FBXL2: variants seen among roughly 807,000 people sequenced by gnomAD.
FBXL2 encodes F-box and leucine rich repeat protein 2, also known as F-box/LRR-repeat protein 2.
In FBXL2, 38 loss-of-function variants were observed where a neutral mutation model predicts 69.2. That is an observed-to-expected ratio of 0.55 (90% CI 0.42 to 0.72). FBXL2 has a LOEUF of 0.72. Ranked by LOEUF, FBXL2 falls within the 30% of genes least tolerant of loss-of-function variation. FBXL2 has a pLI of 0.00. For synonymous variants in FBXL2, 192 were observed against 201.3 expected, an observed-to-expected ratio of 0.95 and a Z score of 0.39; for missense variants, 354 against 520.3, an observed-to-expected ratio of 0.68 and a Z score of 3.11.
chr3:33,315,256 C>A (rs960821395), intron 2 of FBXL2, among the ~76,000 whole-genome samples: 5 of 114,296 alleles, frequency 4.4e-5, no homozygotes, highest in African/African-American at 1.6e-4. Flanking sequence ...TCCTTTCTTT[C>A]TTTTCTCTTA....
intron 2 of FBXL2, among the ~76,000 whole-genome samples, chr3:33,338,683 TC>T (rs1029530521): frequency 6.6e-6 from 1 of 152,192 alleles, no homozygotes; most frequent in Non-Finnish European, 1.5e-5. Context: ...GGGAAAGGAT[TC>T]CCTATTCAAT....
chr3:33,369,148 T>A (rs1165174402), intron 5 of FBXL2, among the ~76,000 whole-genome samples: 3 of 151,662 alleles, frequency 2.0e-5, no homozygotes, highest in African/African-American at 7.3e-5. Context: ...GCCTCCTGGG[T>A]TCAAGCGATT....
chr3:33,420,767 G>T, the FBXL2 span, among the ~76,000 whole-genome samples: 1 of 152,048 alleles, frequency 6.6e-6, no homozygotes, highest in African/African-American at 2.4e-5. Flanking sequence ...GTTTACAGGC[G>T]TGAGCCACCA....
At chr3:33,411,421 G>A in the FBXL2 span, among the ~76,000 whole-genome samples, 14 of 151,770 alleles carry the variant, frequency 9.2e-5, no homozygotes, top group Non-Finnish European at 2.1e-4. Context: ...TTTAAAATAG[G>A]GTGAACTTAC....
In FBXL2 at chr3:33,377,310, G is replaced by A. The variant is rs765027765; in HGVS notation, c.826G>A (p.Ala276Thr). The change falls in exon 11 of 15, where the codon GCA becomes ACA. Residue 276 changes from alanine to threonine, a missense_variant. Coordinates refer to ENST00000484457, the MANE Select transcript of FBXL2 (RefSeq NM_012157.5). ...TGCCCGATGCTCCCATTTGACTGAC[G>A]CAGGTTTTACACTTTTAGCTCGGGT... is the stretch of plus-strand genomic sequence containing the variant. ...EAARCSHLTDAGFTLLARNCH... is the reference protein window; with the variant it reads ...EAARCSHLTDTGFTLLARNCH... 1.4e-5 allele frequency: 23 copies of A among 1,613,980 alleles called. No homozygotes were observed. The highest frequency in any genetic ancestry group is 1.6e-4 in the Middle Eastern group (1 of 6,084).
chr3:33,286,541 G>A (rs1461702357), intron 1 of FBXL2, among the ~76,000 whole-genome samples: 2 of 152,214 alleles, frequency 1.3e-5, no homozygotes, highest in Non-Finnish European at 2.9e-5. Context: ...TCCGTGCTCA[G>A]AGAACCACTA....
chr3:33,308,120 C>T (rs1163288056), intron 2 of FBXL2, among the ~76,000 whole-genome samples: 1 of 152,096 alleles, frequency 6.6e-6, no homozygotes, highest in Non-Finnish European at 1.5e-5. Flanking sequence ...AAGCAATATT[C>T]CTGCCATTGC....
At chr3:33,388,780 A>G (rs2043634098), downstream of FBXL2, 1 of 152,236 alleles carries the variant, frequency 6.6e-6, no homozygotes. Context: ...TGATGAAAAT[A>G]GATCGTGCTT....
intron 12 of FBXL2, among the ~76,000 whole-genome samples, 181 bp from the exon 13 acceptor site, chr3:33,378,504 T>C (rs557347515): frequency 4.9e-4 from 74 of 152,292 alleles, no homozygotes; most frequent in African/African-American, 1.7e-3. Context: ...AGAACAGTTT[T>C]GCATCTCTAG....
intron 2 of FBXL2, among the ~76,000 whole-genome samples, chr3:33,312,484 G>T (rs1419509792): frequency 6.6e-6 from 1 of 152,146 alleles, no homozygotes; most frequent in African/African-American, 2.4e-5. Context: ...GCTGTGCATT[G>T]GTGTCTATGC....
intron 1 of FBXL2, among the ~76,000 whole-genome samples, chr3:33,286,461 TC>T (rs1183722391): frequency 5.9e-5 from 9 of 152,336 alleles, no homozygotes; most frequent in East Asian, 1.9e-4. Flanking sequence ...GGGAGATGTC[TC>T]CCAGTTAGGC....
At chr3:33,396,650 A>G in intron 12 of FBXL2, 1 of 408,118 alleles carries the variant, frequency 2.5e-6, no homozygotes, top group East Asian at 5.7e-5. Context: ...CACAATTTAC[A>G]GTTTCTGTCA....
chr3:33,336,686 C>T (rs2039605143), intron 2 of FBXL2, among the ~76,000 whole-genome samples: 1 of 150,732 alleles, frequency 6.6e-6, no homozygotes, highest in Admixed American at 6.6e-5. Context: ...GTGGGTGGAT[C>T]ACGAGGCCAA....
rs2043390833 is a variant in FBXL2 at position 33,385,761 on chromosome 3, T to G, written c.*153T>G. The G allele has an allele frequency of 4.7e-6, 3 of 635,686 alleles. No individual in the cohort carries two copies. The highest frequency in any genetic ancestry group is 8.4e-6 in the Non-Finnish European group (3 of 356,044). The allele number at this position is 635,686 out of a possible 1,614,324, so 39.4% of individuals were successfully genotyped here. ...ACTTCTGTATGGATTGCAGTTACTC[T>G]GGTGATAGTTTTCACCTTTATTCTG... is the stretch of plus-strand genomic sequence containing the variant. On this transcript the variant is annotated 3_prime_UTR_variant, in exon 15 of 15. Transcript: ENST00000484457.
chr3:33,411,421 G>C, the FBXL2 span, among the ~76,000 whole-genome samples: 1 of 151,770 alleles, frequency 6.6e-6, no homozygotes, highest in African/African-American at 2.4e-5. Context: ...TTTAAAATAG[G>C]GTGAACTTAC....
rs79549081 is a variant in FBXL2 at position 33,302,044 on chromosome 3, C to G, written c.65+4319C>G. On this transcript the variant is annotated intron_variant, in intron 2 of 14. Transcript: ENST00000484457. The stretch of plus-strand genomic sequence containing the variant: ...TGTAAGTATTAAATAAATGTTCGCT[C>G]TTATTGTATATTAATATCAATTTTT... Among the ~76,000 whole-genome samples, 687 of 152,216 alleles carry G rather than the reference C, an allele frequency of 4.5e-3. 3 individuals carry two copies. Among genetic ancestry groups the G allele is most frequent in the African/African-American group, 0.015 (642 of 41,526 alleles).
chr3:33,330,282 C>CA (rs113208210), intron 2 of FBXL2, among the ~76,000 whole-genome samples: 12,029 of 117,604 alleles, frequency 0.1, 1,010 homozygotes, highest in African/African-American at 0.25. Context: ...AGACATTGTC[C>CA]AAAAAAAAAA....
the FBXL2 span, among the ~76,000 whole-genome samples, chr3:33,421,490 G>A: frequency 2.6e-5 from 4 of 152,076 alleles, no homozygotes; most frequent in East Asian, 1.9e-4. Flanking sequence ...GGCTGGTCTC[G>A]AACTCTTAAC....
intron 12 of FBXL2, among the ~76,000 whole-genome samples, chr3:33,400,696 GAGA>G (rs2044192460): frequency 6.6e-6 from 1 of 152,104 alleles, no homozygotes; most frequent in African/African-American, 2.4e-5. Context: ...GAGAGAGGAT[GAGA>G]AGAACTGGAT....
Sources: gnomAD v4.1 joint callset for allele counts (sites outside exome capture counted in the v4.1 genomes callset) on GRCh38, gnomAD v4.1.1 for gene constraint, MANE v1.5 for transcripts, NCBI Gene and HGNC (gene_info 2026-07-23, HGNC 2026-07-21) for gene names.